Variants in VWF observed in about 807,000 individuals in gnomAD.
The protein encoded by VWF is Factor VIII related antigen.
Under a neutral mutation model 308.6 loss-of-function variants are expected in VWF, and 176 were observed. That is an observed-to-expected ratio of 0.57 (90% CI 0.50 to 0.65). The LOEUF (loss-of-function observed/expected upper bound fraction) is 0.65, where lower values mean the gene tolerates loss of function less well. VWF is among the 30% of genes least tolerant of loss of function. VWF has a pLI of 0.00. For synonymous variants in VWF, 1,385 were observed against 1,443.4 expected (o/e 0.96, Z 0.92); for missense variants, 3,146 against 3,648.2 (o/e 0.86, Z 3.55).
Position 5,967,468 on chromosome 12 carries a change from C to A in VWF, c.7887+18G>T, listed in dbSNP as rs1943416468. On this transcript the variant is annotated intron_variant, in intron 47 of 51. Transcript: ENST00000261405. ...CGCGTCCAGTCCATGCCCTCGGTCC[C>A]CATTGAGCCTCTCTTACCAGGGGGC... 6.2e-7 allele frequency: 1 copy of A among 1,611,836 alleles called. No homozygotes were observed. Among genetic ancestry groups the A allele is most frequent in the South Asian group, 1.1e-5 (1 of 91,030 alleles).
rs2136336121 is a variant in VWF at position 5,949,032 on chromosome 12, T to C, written c.8425A>G (p.Arg2809Gly). ...LNAMECKCSPRKCSK is the reference protein window; with the variant it reads ...LNAMECKCSPGKCSK Reference sequence around the variant, plus strand: ...CAGCAGCCTCACTTGCTGCACTTCCTGGGGGAGCATTTGCACTCCATGGCA... The same window carrying C: ...CAGCAGCCTCACTTGCTGCACTTCCCGGGGGAGCATTTGCACTCCATGGCA... Residue 2809 changes from arginine to glycine, a missense_variant, in exon 52 of 52, where the codon AGG becomes GGG. Arg to Gly is a moderately radical substitution (Grantham distance 125). This residue lies in a region of VWF where 989 missense variants were observed against 1,117.4 expected (regional missense o/e 0.89). Coordinates refer to ENST00000261405, the MANE Select transcript of VWF (RefSeq NM_000552.5). 1 of 1,613,556 alleles carries C rather than the reference T, an allele frequency of 6.2e-7. No individual in the cohort carries two copies. Among genetic ancestry groups the C allele is most frequent in the South Asian group, 1.1e-5 (1 of 90,950 alleles).
At chr12:6,047,667 T>G (rs1344467072) in intron 16 of VWF, among the ~76,000 whole-genome samples, 1 of 152,248 alleles carries the variant, frequency 6.6e-6, no homozygotes, top group Non-Finnish European at 1.5e-5. Context: ...CGTCTGTGGT[T>G]GCTTTGTATG....
Position 6,056,879 on chromosome 12 carries a change from C to G in VWF, c.1923G>C (p.Ala641=). 6.7e-7 allele frequency: 1 copy of G among 1,481,638 alleles called. No individual in the cohort carries two copies. Among genetic ancestry groups the G allele is most frequent in the Non-Finnish European group, 8.9e-7 (1 of 1,125,434 alleles). 91.8% of individuals were successfully genotyped at this position (1,481,638 alleles called of 1,614,324 possible). Residue 641 remains alanine, a synonymous_variant, in exon 15 of 52, where the codon GCG becomes GCC. Coordinates refer to ENST00000261405, the MANE Select transcript of VWF (RefSeq NM_000552.5). ...CACCACAGCGGCCTGGCTCGCGCCA[C>G]GCGACGCGCACGCCTCTCCCCGCGC... The part of the protein sequence containing the change: ...AACAGRGVRV[A]WREPGRCELN...
intron 18 of VWF, among the ~76,000 whole-genome samples, chr12:6,040,034 C>T (rs952242935): frequency 6.6e-6 from 1 of 152,138 alleles, no homozygotes; most frequent in Admixed American, 6.5e-5. Context: ...AGGCTTGACC[C>T]GGCTCTGTTC....
At chr12:5,968,561 C>T (rs1286296888) in intron 45 of VWF, among the ~76,000 whole-genome samples, 4 of 152,098 alleles carry the variant, frequency 2.6e-5, no homozygotes, top group African/African-American at 9.7e-5. Context: ...TCTGGGAGGC[C>T]GAGGTGGGCA....
chr12:6,121,936 A>AAAAAAG (rs922421405), intron 2 of VWF, among the ~76,000 whole-genome samples: 8 of 152,252 alleles, frequency 5.3e-5, no homozygotes, highest in South Asian at 2.1e-4. Flanking sequence ...GTCTCGAAAA[A>AAAAAAG]AAAAAGAAAA....
At chr12:5,965,784 G>A (rs1041891713) in intron 47 of VWF, among the ~76,000 whole-genome samples, 28 of 152,178 alleles carry the variant, frequency 1.8e-4, no homozygotes, top group African/African-American at 5.6e-4. Context: ...TAAGACTAGC[G>A]GAGGACGCTG....
rs1025411053 is a variant in VWF, at chr12:6,063,648, G to A, written c.1433-594C>T. Among the ~76,000 whole-genome samples the A allele has an allele frequency of 6.6e-6, 1 of 152,222 alleles. No individual in the cohort carries two copies. The highest frequency in any genetic ancestry group is 1.5e-5 in the Non-Finnish European group (1 of 68,038). On this transcript the variant is annotated intron_variant, in intron 12 of 51. Transcript: ENST00000261405. The surrounding 1 kb of genome is among the most constrained non-coding windows in gnomAD (Gnocchi z 4.9). ...CAATGCTAGGATAATGGGCGACAAAGTGGCCAGCAGTTGTGGAGAAGAAGG... is the reference window on the plus strand; with the variant it reads ...CAATGCTAGGATAATGGGCGACAAAATGGCCAGCAGTTGTGGAGAAGAAGG...
At chr12:5,952,630 A>G in intron 48 of VWF, 111 bp from the exon 49 acceptor site, 1 of 1,428,402 alleles carries the variant, frequency 7.0e-7, no homozygotes, top group Non-Finnish European at 9.5e-7. Flanking sequence ...CAGAACCATG[A>G]AACAAGAAGA....
At chr12:5,980,804 G>A (rs1453189726) in intron 42 of VWF, among the ~76,000 whole-genome samples, 1 of 152,210 alleles carries the variant, frequency 6.6e-6, no homozygotes, top group African/African-American at 2.4e-5. Context: ...ACTGCAGCTT[G>A]TCTGTCATTC....
intron 5 of VWF, among the ~76,000 whole-genome samples, chr12:6,109,565 T>C (rs1166181817): frequency 6.6e-6 from 1 of 152,222 alleles, no homozygotes; most frequent in African/African-American, 2.4e-5. Flanking sequence ...AGATAACATA[T>C]GTAAGTGTTT....
At chr12:6,008,291 A>G (rs1379350811) in intron 34 of VWF, among the ~76,000 whole-genome samples, 1 of 152,228 alleles carries the variant, frequency 6.6e-6, no homozygotes, top group Non-Finnish European at 1.5e-5. Context: ...AGCAAACTGA[A>G]TTAAACAGCA....
At chr12:6,057,189 C>T (rs1224992309) in intron 14 of VWF, 117 bp from the exon 15 acceptor site, 2 of 963,088 alleles carry the variant, frequency 2.1e-6, no homozygotes, top group Non-Finnish European at 3.0e-6. Context: ...TGCAAGGTCA[C>T]GCAGAGAAAT....
chr12:6,064,108 C>T, intron 12 of VWF, 138 bp downstream of exon 12: 2 of 1,400,540 alleles, frequency 1.4e-6, no homozygotes, highest in Non-Finnish European at 2.0e-6. Context: ...CCCACCCTGC[C>T]CTCCAAAAAT....
intron 28 of VWF, 107 bp from the exon 29 acceptor site, chr12:6,016,977 G>A: frequency 1.6e-6 from 2 of 1,240,462 alleles, no homozygotes; most frequent in East Asian, 2.3e-5. Context: ...CTGACCACGT[G>A]GCACCACCAA....
At chr12:6,034,537 G>A (rs1367030352) in intron 20 of VWF, 151 bp downstream of exon 20, 1 of 1,191,940 alleles carries the variant, frequency 8.4e-7, no homozygotes, top group Non-Finnish European at 1.2e-6. Flanking sequence ...TACCGCTTCA[G>A]GCACTTCTGT....
chr12:5,998,100 T>C (rs1259060479), intron 34 of VWF, among the ~76,000 whole-genome samples: 1 of 152,080 alleles, frequency 6.6e-6, no homozygotes, highest in Non-Finnish European at 1.5e-5. Flanking sequence ...TGGCTGATTG[T>C]CAAAATGTAA....
intron 44 of VWF, among the ~76,000 whole-genome samples, chr12:5,970,305 C>T (rs2136357255): frequency 1.3e-5 from 2 of 152,286 alleles, no homozygotes; most frequent in South Asian, 4.1e-4. Flanking sequence ...ATTGCCAACA[C>T]CCAAGTCTTT....
At chr12:6,103,066 G>A (rs1046689199) in intron 5 of VWF, among the ~76,000 whole-genome samples, 1 of 152,068 alleles carries the variant, frequency 6.6e-6, no homozygotes, top group African/African-American at 2.4e-5. Context: ...GGTGGCTCAT[G>A]CCTGTAATCC....
Sources: allele counts gnomAD v4.1 joint callset (sites outside exome capture counted in the v4.1 genomes callset), GRCh38; gene constraint gnomAD v4.1.1; regional missense constraint gnomAD v4.1.1; non-coding constraint Gnocchi (gnomAD v3.1); transcripts MANE v1.5; gene names NCBI Gene and HGNC (gene_info 2026-07-23, HGNC 2026-07-21).